Variants in MGMT observed in about 807,000 individuals in gnomAD.
MGMT encodes the protein O-6-methylguanine-DNA methyltransferase.
Under a neutral mutation model 15.9 loss-of-function variants are expected in MGMT, and 14 were observed. The observed-to-expected ratio is 0.88, with a 90% CI of 0.58 to 1.37. The LOEUF (loss-of-function observed/expected upper bound fraction) is 1.37, where lower values mean the gene tolerates loss of function less well. Ranked by LOEUF, MGMT falls within the 40% of genes most tolerant of loss-of-function variation. The pLI is 0.00. For synonymous variants in MGMT, 130 were observed against 118.2 expected, an observed-to-expected ratio of 1.10 and a Z score of -0.65; for missense variants, 282 against 268.1, an observed-to-expected ratio of 1.05 and a Z score of -0.36.
intron 2 of MGMT, among the ~76,000 whole-genome samples, chr10:129,684,590 T>A (rs1289646180): frequency 6.6e-6 from 1 of 152,240 alleles, no homozygotes; most frequent in African/African-American, 2.4e-5. Flanking sequence ...ATTGTGTATG[T>A]GGTAACTACA....
chr10:129,514,744 C>T (rs1589844003), intron 1 of MGMT, among the ~76,000 whole-genome samples: 1 of 152,184 alleles, frequency 6.6e-6, no homozygotes, highest in East Asian at 1.9e-4. Context: ...GCGCCATCTG[C>T]GAGGAAGTGG....
chr10:129,768,226 A>G lies in MGMT; in HGVS notation c.*1229A>G, dbSNP rs555212113. 6.6e-6 allele frequency among the ~76,000 whole-genome samples: 1 copy of G among 152,336 alleles called. No homozygotes were observed. Among genetic ancestry groups the G allele is most frequent in the African/African-American group, 2.4e-5 (1 of 41,588 alleles). On this transcript the variant is annotated 3_prime_UTR_variant, in exon 5 of 5. Coordinates refer to ENST00000651593, the MANE Select transcript of MGMT (RefSeq NM_002412.5). Reference sequence around the variant, plus strand: ...TTTCATTTTATCTTAACACCAACGAAAGAAAACCGATTTCAGACGTTTTTC... The same window carrying G: ...TTTCATTTTATCTTAACACCAACGAGAGAAAACCGATTTCAGACGTTTTTC...
chr10:129,673,583 T>TG (rs769828365), intron 2 of MGMT, among the ~76,000 whole-genome samples: 6 of 152,078 alleles, frequency 3.9e-5, no homozygotes, highest in Admixed American at 6.5e-5. Context: ...TGCTGGAGGC[T>TG]GGGGGAGGTG....
chr10:129,564,771 C>G (rs1394811540), intron 2 of MGMT, among the ~76,000 whole-genome samples: 2 of 147,938 alleles, frequency 1.4e-5, no homozygotes, highest in East Asian at 4.1e-4. Flanking sequence ...CTGCTGTATT[C>G]CTTCCTCACA....
intron 2 of MGMT, among the ~76,000 whole-genome samples, chr10:129,703,314 A>G (rs1055971991): frequency 1.3e-5 from 2 of 152,198 alleles, no homozygotes; most frequent in Non-Finnish European, 2.9e-5. Context: ...GCCAGCTCAC[A>G]TTTCAATTCC....
At chr10:129,575,918 TAAACTAG>T (rs1338488184) in intron 2 of MGMT, among the ~76,000 whole-genome samples, 2 of 151,988 alleles carry the variant, frequency 1.3e-5, no homozygotes, top group Non-Finnish European at 2.9e-5. Flanking sequence ...TCTATGCAAA[TAAACTAG>T]AAAATCTAGA....
At chr10:129,685,941 C>T (rs975455943) in intron 2 of MGMT, among the ~76,000 whole-genome samples, 1 of 152,180 alleles carries the variant, frequency 6.6e-6, no homozygotes, top group East Asian at 1.9e-4. Flanking sequence ...TGAGGATTGG[C>T]CAATAAACCT....
intron 2 of MGMT, among the ~76,000 whole-genome samples, chr10:129,577,798 G>A (rs752683889): frequency 7.2e-5 from 11 of 151,856 alleles, no homozygotes; most frequent in African/African-American, 2.7e-4. Flanking sequence ...CTGGCAAAGG[G>A]CTAATATCCA....
At chr10:129,605,880 C>T (rs887038262) in intron 2 of MGMT, among the ~76,000 whole-genome samples, 6 of 150,222 alleles carry the variant, frequency 4.0e-5, no homozygotes, top group African/African-American at 1.2e-4. Flanking sequence ...CATTCAAGAA[C>T]GGTGATTTTT....
intron 2 of MGMT, chr10:129,564,231 C>T (rs533152538): frequency 2.5e-5 from 2 of 81,216 alleles, no homozygotes; most frequent in African/African-American, 9.6e-5. Context: ...CCCCCTTCCC[C>T]CTCCTCTTCC....
At chr10:129,625,646 C>G (rs1010942606) in intron 2 of MGMT, among the ~76,000 whole-genome samples, 1 of 152,202 alleles carries the variant, frequency 6.6e-6, no homozygotes, top group African/African-American at 2.4e-5. Flanking sequence ...TTTCAACATC[C>G]ATTCACGATG....
chr10:129,510,197 C>G (rs1403666538), intron 1 of MGMT, among the ~76,000 whole-genome samples: 2 of 149,586 alleles, frequency 1.3e-5, no homozygotes, highest in African/African-American at 5.1e-5. Flanking sequence ...GAGATGATCC[C>G]TCGGAGAATA....
At chr10:129,528,456 A>T (rs1006736300) in intron 1 of MGMT, among the ~76,000 whole-genome samples, 2 of 151,012 alleles carry the variant, frequency 1.3e-5, no homozygotes, top group African/African-American at 4.9e-5. Context: ...GCTGGGAAGG[A>T]GACAGCAGTA....
chr10:129,678,704 A>T (rs1847813634), intron 2 of MGMT, among the ~76,000 whole-genome samples: 1 of 152,164 alleles, frequency 6.6e-6, no homozygotes, highest in Admixed American at 6.5e-5. Flanking sequence ...TGTTTTAATG[A>T]CACAGGATCC....
chr10:129,756,812 G>T (rs1848812587), intron 3 of MGMT, among the ~76,000 whole-genome samples: 10 of 152,236 alleles, frequency 6.6e-5, no homozygotes, highest in Admixed American at 6.5e-4. Context: ...GCCACCTGAA[G>T]TGATTGTTCC....
intron 2 of MGMT, among the ~76,000 whole-genome samples, chr10:129,649,069 A>G (rs925820508): frequency 1.3e-5 from 2 of 152,096 alleles, no homozygotes; most frequent in South Asian, 2.1e-4. Context: ...ACCCTTTTCC[A>G]TGTCTGCCCT....
chr10:129,552,481 A>G (rs1846168704), intron 2 of MGMT, among the ~76,000 whole-genome samples: 1 of 152,162 alleles, frequency 6.6e-6, no homozygotes, highest in Non-Finnish European at 1.5e-5. Context: ...AATGTCACAG[A>G]ATTCTGAGTC....
chr10:129,588,528 C>G (rs146478992), intron 2 of MGMT, among the ~76,000 whole-genome samples: 2 of 152,284 alleles, frequency 1.3e-5, no homozygotes, highest in East Asian at 3.9e-4. Flanking sequence ...GTGTCACATT[C>G]TTCCCACTCG....
intron 2 of MGMT, among the ~76,000 whole-genome samples, chr10:129,629,389 G>T (rs1013132042): frequency 2.0e-5 from 3 of 152,160 alleles, no homozygotes; most frequent in Admixed American, 6.5e-5. Flanking sequence ...TTGTATGAGT[G>T]TATCATAGAA....
Sources: allele counts gnomAD v4.1 joint callset (sites outside exome capture counted in the v4.1 genomes callset), GRCh38; gene constraint gnomAD v4.1.1; transcripts MANE v1.5; gene names NCBI Gene and HGNC (gene_info 2026-07-23, HGNC 2026-07-21).